HDAC4: variants seen among roughly 807,000 people sequenced by gnomAD.
The protein encoded by HDAC4 is histone deacetylase 4, also known as histone deacetylase A.
Under a neutral mutation model 135.1 loss-of-function variants are expected in HDAC4, and 16 were observed. The observed-to-expected ratio is 0.12, with a 90% confidence interval of 0.08 to 0.18. The LOEUF is 0.18. Among genes scored for constraint, HDAC4 ranks in the 10% least tolerant of loss-of-function variants. The pLI, the probability that HDAC4 is intolerant of heterozygous loss-of-function variation, is 1.00. For missense variants in HDAC4, 1,143 were observed against 1,511.8 expected (o/e 0.76, Z 4.05); for synonymous variants, 685 against 653.4 (o/e 1.05, Z -0.74).
intron 2 of HDAC4, among the ~76,000 whole-genome samples, chr2:239,283,585 C>A (rs180792991): frequency 6.6e-6 from 1 of 152,368 alleles, no homozygotes. Flanking sequence ...GAGAGCACTG[C>A]AGTACAGAAA....
intron 3 of HDAC4, among the ~76,000 whole-genome samples, chr2:239,205,762 A>C (rs2046008839): frequency 6.6e-6 from 1 of 152,148 alleles, no homozygotes; most frequent in South Asian, 2.1e-4. Context: ...AGTTTACCTA[A>C]CTTGTGGGGT....
chr2:239,147,963 A>G (rs1280482296), intron 7 of HDAC4, among the ~76,000 whole-genome samples: 1 of 152,258 alleles, frequency 6.6e-6, no homozygotes, highest in Non-Finnish European at 1.5e-5. Flanking sequence ...AGCGGCTCTC[A>G]GAGCCGGAAC....
upstream of HDAC4, chr2:239,401,630 C>T (rs980883548): frequency 6.4e-5 from 16 of 250,360 alleles, no homozygotes; most frequent in Non-Finnish European, 7.1e-5. Flanking sequence ...CTCGCCGCGG[C>T]GTCCATCTTG....
chr2:239,267,656 A>G (rs2125186360), intron 2 of HDAC4, among the ~76,000 whole-genome samples: 1 of 152,380 alleles, frequency 6.6e-6, no homozygotes, highest in South Asian at 2.1e-4. Flanking sequence ...GGAGGGCTCC[A>G]CAGAAGAGGC....
intron 2 of HDAC4, among the ~76,000 whole-genome samples, chr2:239,312,419 C>G (rs2052926075): frequency 6.6e-6 from 1 of 152,320 alleles, no homozygotes; most frequent in African/African-American, 2.4e-5. Context: ...GCCCAGGAGC[C>G]CACACGCAGG....
rs6740198 is a variant in HDAC4 at position 239,156,965 on chromosome 2, C to T, written c.612-192G>A. On this transcript the variant is annotated intron_variant, in intron 6 of 26. Coordinates refer to ENST00000543185, the MANE Select transcript of HDAC4 (RefSeq NM_001378414.1). ...GATGCTAAACAAGCAAGCAAACATC[C>T]GATGCCCACATCCTCCTCTGCGGGA... Among the ~76,000 whole-genome samples the T allele has an allele frequency of 0.019, 2,836 of 152,298 alleles. 73 individuals are homozygous for T. Among genetic ancestry groups the T allele is most frequent in the African/African-American group, 0.06 (2,473 of 41,562 alleles).
intron 2 of HDAC4, among the ~76,000 whole-genome samples, chr2:239,289,633 G>A (rs552930220): frequency 4.6e-5 from 7 of 152,290 alleles, no homozygotes; most frequent in African/African-American, 1.7e-4. Flanking sequence ...CACAGGGCAG[G>A]AGCAGCAGCC....
Position 239,161,666 on chromosome 2 carries a change from A to C in HDAC4, c.611+2137T>G, listed in dbSNP as rs548775703. On this transcript the variant is annotated intron_variant, in intron 6 of 26. Transcript: ENST00000543185. ...TTCCCCCTCCAGCCTGAAGGTCCCC[A>C]GAGCCCTCTGAGAAGAAGTACCTCC... 3.2e-5 allele frequency: 9 copies of C among 284,264 alleles called. No individual in the cohort carries two copies. In the Admixed American group the frequency reaches 4.4e-4, roughly 14 times the overall value. 17.6% of individuals were successfully genotyped at this position (284,264 alleles called of 1,614,324 possible). A position where few individuals can be genotyped will look rare whatever the true frequency, so the allele number is the denominator to read the frequency against.
chr2:239,175,857 G>A (rs190150555), intron 5 of HDAC4, among the ~76,000 whole-genome samples: 1 of 152,192 alleles, frequency 6.6e-6, no homozygotes, highest in Admixed American at 6.5e-5. Flanking sequence ...ACCAAAAGTC[G>A]GGCTGAATGC....
chr2:239,107,220 C>T (rs1051614265), intron 15 of HDAC4, among the ~76,000 whole-genome samples: 4 of 152,218 alleles, frequency 2.6e-5, no homozygotes, highest in South Asian at 2.1e-4. Flanking sequence ...CACCAAAGTG[C>T]GGCCCCCGTC....
chr2:239,126,245 T>A (rs185813165), intron 12 of HDAC4, among the ~76,000 whole-genome samples: 16 of 152,340 alleles, frequency 1.1e-4, no homozygotes, highest in African/African-American at 3.6e-4. Context: ...GCAGGTGAAC[T>A]GTTCCTGAGC....
At chr2:239,261,853 C>G (rs190042980) in intron 2 of HDAC4, among the ~76,000 whole-genome samples, 455 of 152,320 alleles carry the variant, frequency 3.0e-3, no homozygotes, top group African/African-American at 0.011. Flanking sequence ...GGACACCCCC[C>G]ACCCGGCCCA....
intron 5 of HDAC4, among the ~76,000 whole-genome samples, chr2:239,168,176 T>C (rs2043226894): frequency 6.6e-6 from 1 of 152,224 alleles, no homozygotes. Context: ...GATCAGCCTT[T>C]CACGTCATTT....
intron 17 of HDAC4, chr2:239,094,157 G>A: frequency 1.0e-6 from 1 of 985,468 alleles, no homozygotes; most frequent in Non-Finnish European, 1.2e-6. Context: ...AACCGTCTGT[G>A]GTGATTCGCG....
intron 4 of HDAC4, among the ~76,000 whole-genome samples, chr2:239,180,498 T>C (rs2044077671): frequency 6.6e-6 from 1 of 152,150 alleles, no homozygotes; most frequent in East Asian, 1.9e-4. Flanking sequence ...TCACCCCGCA[T>C]GTCTGTGACC....
At chr2:239,107,003 C>G (rs1337988227) in intron 15 of HDAC4, among the ~76,000 whole-genome samples, 2 of 151,040 alleles carry the variant, frequency 1.3e-5, no homozygotes. Flanking sequence ...TGGGTGGGGC[C>G]TTGTGCGACC....
At chr2:239,316,922 C>A (rs941290042) in intron 2 of HDAC4, among the ~76,000 whole-genome samples, 1 of 152,074 alleles carries the variant, frequency 6.6e-6, no homozygotes, top group African/African-American at 2.4e-5. Flanking sequence ...AAAATTAATA[C>A]AATCAAAAAG....
At chr2:239,053,202 G>A in intron 26 of HDAC4, 66 bp from the exon 27 acceptor site, 1 of 1,593,632 alleles carries the variant, frequency 6.3e-7, no homozygotes, top group Non-Finnish European at 8.6e-7. Flanking sequence ...GGAGAGAACA[G>A]AACGTGGGTT....
chr2:239,353,220 G>A (rs1693276249), intron 1 of HDAC4, among the ~76,000 whole-genome samples: 1 of 152,008 alleles, frequency 6.6e-6, no homozygotes, highest in Admixed American at 6.6e-5. Context: ...TGCCATGTTG[G>A]CCCAGGCTGG....
Sources: gnomAD v4.1 joint callset for allele counts (sites outside exome capture counted in the v4.1 genomes callset) on GRCh38, gnomAD v4.1.1 for gene constraint, MANE v1.5 for transcripts, NCBI Gene and HGNC (gene_info 2026-07-23, HGNC 2026-07-21) for gene names.